The following NEGR1 variants were observed in gnomAD, a reference collection of about 807,000 sequenced individuals.
The protein encoded by NEGR1 is IgLON family member 4.
NEGR1 carries 10 observed loss-of-function variants against 40.9 expected under a neutral mutation model. The observed-to-expected ratio is 0.24, with a 90% CI of 0.15 to 0.42. The LOEUF is 0.42. NEGR1 is among the 10% of genes least tolerant of loss of function. The probability of loss-of-function intolerance (pLI) is 1.00; values close to 1 mark genes in which losing one functional copy is unlikely to be tolerated. For synonymous variants in NEGR1, 185 were observed against 166.8 expected, an observed-to-expected ratio of 1.11 and a Z score of -0.84; for missense variants, 352 against 438.9, an observed-to-expected ratio of 0.80 and a Z score of 1.77.
chr1:72,140,024 T>A (rs1368842262), intron 1 of NEGR1, among the ~76,000 whole-genome samples: 1 of 151,964 alleles, frequency 6.6e-6, no homozygotes, highest in African/African-American at 2.4e-5. Flanking sequence ...ACACTACAAT[T>A]CCATATCCAA....
chr1:71,586,126 G>A (rs1003442226), intron 6 of NEGR1, among the ~76,000 whole-genome samples: 3 of 152,074 alleles, frequency 2.0e-5, no homozygotes, highest in Non-Finnish European at 2.9e-5. Flanking sequence ...GGATCTGCTC[G>A]ATTCAAAGCT....
At chr1:72,135,749 C>T (rs1250177219) in intron 1 of NEGR1, among the ~76,000 whole-genome samples, 1 of 152,104 alleles carries the variant, frequency 6.6e-6, no homozygotes, top group Non-Finnish European at 1.5e-5. Flanking sequence ...CTGATCAGTC[C>T]AGGAATTTCA....
At chr1:72,224,925 A>C (rs1211638787) in intron 1 of NEGR1, among the ~76,000 whole-genome samples, 4 of 152,028 alleles carry the variant, frequency 2.6e-5, no homozygotes, top group Non-Finnish European at 5.9e-5. Context: ...GAATTATGTT[A>C]TAGGTTATAG....
At chr1:71,961,310 A>G (rs1269117269) in intron 1 of NEGR1, among the ~76,000 whole-genome samples, 1 of 152,128 alleles carries the variant, frequency 6.6e-6, no homozygotes, top group Non-Finnish European at 1.5e-5. Flanking sequence ...TACATGTTTT[A>G]TTGAACATTA....
At chr1:71,857,498 C>A (rs943825025) in intron 2 of NEGR1, among the ~76,000 whole-genome samples, 2 of 144,668 alleles carry the variant, frequency 1.4e-5, no homozygotes, top group Non-Finnish European at 3.0e-5. Context: ...CTTGGTGGCA[C>A]ACACCTATAG....
chr1:71,463,401 C>T (rs769659244), intron 6 of NEGR1: 9 of 152,016 alleles, frequency 5.9e-5, no homozygotes, highest in Non-Finnish European at 1.0e-4. Context: ...GGAACGGGAA[C>T]GAACAATTTT....
At chr1:71,830,459 T>A (rs1417040433) in intron 2 of NEGR1, among the ~76,000 whole-genome samples, 2 of 150,838 alleles carry the variant, frequency 1.3e-5, no homozygotes, top group African/African-American at 4.9e-5. Context: ...AAATTTTAAT[T>A]AAAAAAAAAT....
chr1:71,524,323 T>G (rs928166247), intron 6 of NEGR1, among the ~76,000 whole-genome samples: 17 of 148,692 alleles, frequency 1.1e-4, no homozygotes, highest in Non-Finnish European at 2.4e-4. Context: ...GGAGTGTGTG[T>G]GTGTGTGTGT....
intron 1 of NEGR1, among the ~76,000 whole-genome samples, chr1:72,074,483 T>G (rs1024762513): frequency 6.6e-6 from 1 of 152,046 alleles, no homozygotes; most frequent in Non-Finnish European, 1.5e-5. Context: ...TGTTCCAGGT[T>G]TTATCGGCAC....
intron 6 of NEGR1, among the ~76,000 whole-genome samples, chr1:71,418,241 G>A (rs1646369558): frequency 6.6e-6 from 1 of 151,564 alleles, no homozygotes; most frequent in Admixed American, 6.6e-5. Flanking sequence ...GGTAGAGAAT[G>A]CAACTTTCAA....
At chr1:71,965,545 G>A (rs1182115634) in intron 1 of NEGR1, among the ~76,000 whole-genome samples, 2 of 152,136 alleles carry the variant, frequency 1.3e-5, no homozygotes, top group Non-Finnish European at 2.9e-5. Flanking sequence ...TTGAATGGAA[G>A]TTTGGTGAGG....
At chr1:72,192,292 C>A (rs1231399686) in intron 1 of NEGR1, among the ~76,000 whole-genome samples, 1 of 151,688 alleles carries the variant, frequency 6.6e-6, no homozygotes, top group African/African-American at 2.4e-5. Context: ...ATTTTCTAAA[C>A]CAAGATTGTA....
rs1158039041 is a variant in NEGR1 at position 71,597,432 on chromosome 1, G to GTCTCTCTCTCTC, written c.789-4476_789-4465dup. Among the ~76,000 whole-genome samples the GTCTCTCTCTCTC allele has an allele frequency of 3.6e-4, 22 of 60,742 alleles. 1 individual carries two copies. The highest frequency in any genetic ancestry group is 1.3e-3 in the African/African-American group (20 of 15,232). The allele number at this position is 60,742 out of a possible 152,430, so 39.8% of individuals were successfully genotyped here. A position where few individuals can be genotyped will look rare whatever the true frequency, so the allele number is the denominator to read the frequency against. ...TTTATTTATATATATATATATATAT[G>GTCTCTCTCTCTC]TCTCTCTCTCTCTCTCTCTCTCTCT... is the stretch of plus-strand genomic sequence containing the variant. On this transcript the variant is annotated intron_variant, in intron 5 of 6. Transcript: ENST00000357731.
At chr1:72,050,932 GC>G (rs1647054210) in intron 1 of NEGR1, among the ~76,000 whole-genome samples, 1 of 151,466 alleles carries the variant, frequency 6.6e-6, no homozygotes. Context: ...AAATAGGTAA[GC>G]CATCTTGGAA....
chr1:71,837,690 TTCC>T, intron 2 of NEGR1, among the ~76,000 whole-genome samples: 1 of 152,190 alleles, frequency 6.6e-6, no homozygotes, highest in Admixed American at 6.5e-5. Flanking sequence ...TCTTTTAATA[TTCC>T]TCCATTTACA....
At chr1:72,017,799 T>C (rs1268428177) in intron 1 of NEGR1, among the ~76,000 whole-genome samples, 1 of 152,130 alleles carries the variant, frequency 6.6e-6, no homozygotes, top group Admixed American at 6.5e-5. Context: ...TCAGTTAAAC[T>C]GAATTAAAGG....
Position 71,881,389 on chromosome 1 carries a change from C to T in NEGR1, c.409+53690G>A, listed in dbSNP as rs796515618. Among the ~76,000 whole-genome samples the T allele has an allele frequency of 2.6e-5, 4 of 151,966 alleles. No individual in the cohort carries two copies. The East Asian group carries it at 5.8e-4, about 22-fold the overall frequency. ...CACCAAACCTTTTGACACTTGTGTGCGAGCTCCCTAAAGAGTCTGAAATCT... is the reference window on the plus strand; with the variant it reads ...CACCAAACCTTTTGACACTTGTGTGTGAGCTCCCTAAAGAGTCTGAAATCT... On this transcript the variant is annotated intron_variant, in intron 2 of 6. Transcript: ENST00000357731.
intron 3 of NEGR1, among the ~76,000 whole-genome samples, chr1:71,758,208 A>T (rs1377650753): frequency 6.6e-6 from 1 of 152,144 alleles, no homozygotes; most frequent in Non-Finnish European, 1.5e-5. Flanking sequence ...TAGAAGTTTA[A>T]TAATCATAAA....
intron 1 of NEGR1, among the ~76,000 whole-genome samples, chr1:72,161,306 T>C (rs1651549522): frequency 6.6e-6 from 1 of 152,060 alleles, no homozygotes; most frequent in African/African-American, 2.4e-5. Flanking sequence ...CATCTAGATT[T>C]AGGTTTGTGG....
Sources: allele counts gnomAD v4.1 joint callset (sites outside exome capture counted in the v4.1 genomes callset), GRCh38; gene constraint gnomAD v4.1.1; transcripts MANE v1.5; gene names NCBI Gene and HGNC (gene_info 2026-07-23, HGNC 2026-07-21).